The following SH3D19 variants were observed in gnomAD, a reference collection of about 807,000 sequenced individuals.
SH3D19 encodes the protein SH3 domain containing 19.
In SH3D19, 58 loss-of-function variants were observed where a neutral mutation model predicts 112.1. That is an observed-to-expected ratio of 0.52 (90% CI 0.42 to 0.64). SH3D19 has a LOEUF of 0.64. Ranked by LOEUF, SH3D19 falls within the 30% of genes least tolerant of loss-of-function variation. SH3D19 has a pLI of 0.00. For missense variants in SH3D19, 1,090 were observed against 1,263.4 expected (o/e 0.86, Z 2.08); for synonymous variants, 391 against 448.5 (o/e 0.87, Z 1.62).
chr4:151,322,500 C>CAAA (rs11420449), intron 1 of SH3D19, among the ~76,000 whole-genome samples: 6,375 of 122,506 alleles, frequency 0.052, 460 homozygotes, highest in African/African-American at 0.16. Context: ...ATAATTCTGC[C>CAAA]AAAAAAAAAA....
At chr4:151,318,516 A>AT (rs1730241526) in intron 1 of SH3D19, among the ~76,000 whole-genome samples, 1 of 152,122 alleles carries the variant, frequency 6.6e-6, no homozygotes, top group South Asian at 2.1e-4. Context: ...GACACTGCAG[A>AT]TTTACCTTCT....
At chr4:151,186,106 A>G (rs1761735267) in intron 3 of SH3D19, among the ~76,000 whole-genome samples, 1 of 152,236 alleles carries the variant, frequency 6.6e-6, no homozygotes, top group African/African-American at 2.4e-5. Flanking sequence ...TGGTAACCTC[A>G]GCTCAGATAA....
At chr4:151,190,799 A>G (rs1194275602) in intron 2 of SH3D19, among the ~76,000 whole-genome samples, 2 of 152,206 alleles carry the variant, frequency 1.3e-5, no homozygotes, top group African/African-American at 4.8e-5. Context: ...TCGGAGCCCC[A>G]ACACAGAGTC....
intron 19 of SH3D19, 25 bp downstream of exon 19, chr4:151,127,593 G>A (rs1749686927): frequency 2.1e-6 from 3 of 1,396,156 alleles, no homozygotes; most frequent in Non-Finnish European, 2.0e-6. Context: ...GCTTAATGCA[G>A]TTATGAAGAG....
At chr4:151,160,345 C>T (rs1003297609) in intron 8 of SH3D19, among the ~76,000 whole-genome samples, 1 of 152,174 alleles carries the variant, frequency 6.6e-6, no homozygotes, top group Admixed American at 6.5e-5. Context: ...CCTCAGCCTC[C>T]CAAAGTGCTG....
At position 151,236,147 on chromosome 4, in the gene SH3D19, G is replaced by A. The variant is rs552298662; in HGVS notation, c.113-10061C>T. On this transcript the variant is annotated intron_variant, in intron 1 of 19. Transcript: ENST00000604030. ...CGGCCTCGGCGTCCGCTCTGGCCGC[G>A]CTGGAGGAGCCCTTCAGCCTGCCGC... 3.9e-5 allele frequency among the ~76,000 whole-genome samples: 6 copies of A among 152,374 alleles called. No homozygotes were observed. The East Asian group carries it at 7.7e-4, about 20-fold the overall frequency.
At chr4:151,186,053 A>T (rs1480706088) in intron 3 of SH3D19, among the ~76,000 whole-genome samples, 1 of 152,166 alleles carries the variant, frequency 6.6e-6, no homozygotes, top group Non-Finnish European at 1.5e-5. Flanking sequence ...GGGGAAAAAC[A>T]ACCAAGTTAT....
At chr4:151,158,016 T>C (rs1756442824) in intron 9 of SH3D19, among the ~76,000 whole-genome samples, 1 of 152,288 alleles carries the variant, frequency 6.6e-6, no homozygotes, top group Non-Finnish European at 1.5e-5. Flanking sequence ...TAAATTCTAG[T>C]GTTCTATACC....
intron 13 of SH3D19, among the ~76,000 whole-genome samples, chr4:151,138,683 G>GTC (rs72336125): frequency 9.0e-5 from 5 of 55,566 alleles, no homozygotes; most frequent in African/African-American, 3.9e-4. Flanking sequence ...GCAAGATCTT[G>GTC]TCTCACACAC....
chr4:151,260,243 T>G (rs1342279467), intron 1 of SH3D19, among the ~76,000 whole-genome samples: 1 of 152,176 alleles, frequency 6.6e-6, no homozygotes, highest in Non-Finnish European at 1.5e-5. Flanking sequence ...TCCATTTCCC[T>G]TGGTTTAAAT....
At chr4:151,245,100 C>T (rs748692650) in intron 1 of SH3D19, among the ~76,000 whole-genome samples, 4 of 151,850 alleles carry the variant, frequency 2.6e-5, no homozygotes, top group Admixed American at 6.6e-5. Flanking sequence ...GCCGAGATCA[C>T]GCCACTACAC....
chr4:151,297,902 A>C (rs1775810956), intron 1 of SH3D19, among the ~76,000 whole-genome samples: 1 of 152,176 alleles, frequency 6.6e-6, no homozygotes, highest in South Asian at 2.1e-4. Flanking sequence ...TATAAGAGTA[A>C]GATAGGAGGA....
intron 1 of SH3D19, 40 bp from the exon 2 acceptor site, chr4:151,226,126 T>C (rs1418690978): frequency 1.6e-6 from 2 of 1,231,104 alleles, no homozygotes; most frequent in Non-Finnish European, 2.0e-6. Flanking sequence ...AAAGGTTCTT[T>C]AAAAGCTCTG....
intron 1 of SH3D19, chr4:151,227,785 C>CT (rs1769236287): frequency 1.0e-6 from 1 of 985,474 alleles, no homozygotes; most frequent in African/African-American, 1.7e-5. Flanking sequence ...AGCTAAAACT[C>CT]TGTCCAGAAC....
chr4:151,217,214 A>G (rs955373255), intron 2 of SH3D19, among the ~76,000 whole-genome samples: 3 of 152,210 alleles, frequency 2.0e-5, no homozygotes, highest in Non-Finnish European at 4.4e-5. Flanking sequence ...GTATTTTGAT[A>G]GACATACTTA....
intron 1 of SH3D19, among the ~76,000 whole-genome samples, chr4:151,311,756 T>C (rs1360184175): frequency 6.6e-6 from 1 of 151,532 alleles, no homozygotes; most frequent in Non-Finnish European, 1.5e-5. Flanking sequence ...GGGAAGACCA[T>C]TTGAGCCCGG....
intron 19 of SH3D19, among the ~76,000 whole-genome samples, chr4:151,124,062 A>G (rs944695604): frequency 1.4e-4 from 22 of 152,042 alleles, no homozygotes; most frequent in African/African-American, 5.3e-4. Context: ...TATTTTATTT[A>G]GGTCTGGTCC....
intron 8 of SH3D19, among the ~76,000 whole-genome samples, chr4:151,159,929 G>T (rs1469328998): frequency 6.6e-6 from 1 of 151,990 alleles, no homozygotes; most frequent in Non-Finnish European, 1.5e-5. Context: ...AAGCTAAGAA[G>T]AAAATAAATG....
intron 1 of SH3D19, among the ~76,000 whole-genome samples, chr4:151,278,114 C>T (rs539780973): frequency 6.6e-6 from 1 of 152,288 alleles, no homozygotes; most frequent in African/African-American, 2.4e-5. Context: ...TACACAAATA[C>T]TGCAAAATGC....
Sources: allele counts gnomAD v4.1 joint callset (sites outside exome capture counted in the v4.1 genomes callset), GRCh38; gene constraint gnomAD v4.1.1; transcripts MANE v1.5; gene names NCBI Gene and HGNC (gene_info 2026-07-23, HGNC 2026-07-21).